The following NOTCH4 variants were observed in gnomAD, a reference collection of about 807,000 sequenced individuals.
NOTCH4 encodes notch receptor 4.
In NOTCH4, 138 loss-of-function variants were observed where a neutral mutation model predicts 189.0. That is an observed-to-expected ratio of 0.73 (90% CI 0.64 to 0.84). NOTCH4 has a LOEUF of 0.84. Ranked by LOEUF, NOTCH4 falls within the 40% of genes least tolerant of loss-of-function variation. NOTCH4 has a pLI of 0.00. For missense variants in NOTCH4, 2,286 were observed against 2,605.4 expected, an observed-to-expected ratio of 0.88 and a Z score of 2.67; for synonymous variants, 942 against 1,032.8, an observed-to-expected ratio of 0.91 and a Z score of 1.69.
rs765636311 is a variant in NOTCH4 at position 32,203,798 on chromosome 6, G to A, written c.3203C>T (p.Pro1068Leu). 1 of 1,558,716 alleles carries A rather than the reference G, an allele frequency of 6.4e-7. No homozygotes were observed. Among genetic ancestry groups the A allele is most frequent in the Non-Finnish European group, 8.7e-7 (1 of 1,150,908 alleles). The change falls in exon 20 of 30, where the codon CCC becomes CTC. Residue 1068 changes from proline to leucine, a missense_variant. Physicochemically the swap from Pro to Leu is moderately conservative, Grantham distance 98. This residue lies in a region of NOTCH4 where 1,903 missense variants were observed against 2,261.9 expected (regional missense o/e 0.84). Transcript: ENST00000375023. ...GGGGCAGTGGCAGATGAAACCCAGG[G>A]GTGATCCTGCTGTGGCCTCACAGGT... ...GGTCEATAGS[P>L]LGFICHCPKG... is the part of the protein sequence containing the mutation.
At chr6:32,213,931 C>T (rs1789201459) in intron 13 of NOTCH4, 91 bp from the exon 14 acceptor site, 1 of 1,513,120 alleles carries the variant, frequency 6.6e-7, no homozygotes, top group Middle Eastern at 2.4e-4. Flanking sequence ...TCCTCATCCC[C>T]AACCCTATTA....
At chr6:32,218,579 T>C (rs979991017) in intron 8 of NOTCH4, among the ~76,000 whole-genome samples, 2 of 152,202 alleles carry the variant, frequency 1.3e-5, no homozygotes, top group Non-Finnish European at 2.9e-5. Context: ...GTCCCGTTGC[T>C]TTGGGTTCAT....
Position 32,223,963 on chromosome 6 carries a change from C to A in NOTCH4, c.-35G>T, listed in dbSNP as rs762058500. 1 of 1,570,718 alleles carries A rather than the reference C, an allele frequency of 6.4e-7. No individual in the cohort carries two copies. The highest frequency in any genetic ancestry group is 1.1e-5 in the South Asian group (1 of 87,412). On this transcript the variant is annotated 5_prime_UTR_variant, in exon 1 of 30. Coordinates refer to ENST00000375023, the MANE Select transcript of NOTCH4 (RefSeq NM_004557.4). ...CCTTCTCCAAGCCCCGGTCCCTGTCCCTCTTCAGGCAGGGACCCTCAGAGC... is the reference window on the plus strand; with the variant it reads ...CCTTCTCCAAGCCCCGGTCCCTGTCACTCTTCAGGCAGGGACCCTCAGAGC...
At position 32,202,538 on chromosome 6, in the gene NOTCH4, T is replaced by A; in HGVS notation, c.3293A>T (p.His1098Leu). The A allele has an allele frequency of 6.2e-7, 1 of 1,608,154 alleles. No homozygotes were observed. Residue 1098 changes from histidine to leucine, a missense_variant, in exon 21 of 30, where the codon CAC (histidine) becomes CTC (leucine). Around this residue, in one of 2 missense-constraint regions of NOTCH4, gnomAD observed 1,903 missense variants for 2,261.9 expected, o/e 0.84. Coordinates refer to ENST00000375023, the MANE Select transcript of NOTCH4 (RefSeq NM_004557.4). This position sits in a 1 kb window ranked among gnomAD's most constrained non-coding sequence, Gnocchi z 5.7. ...AGGGGAGGGCAGACACAGGCCTCCG[T>A]GGTGGCAGTGATGGAAGCCGCAGGA... ...APSCGFHHCHHGGLCLPSPKP... is the reference protein window; with the variant it reads ...APSCGFHHCHLGGLCLPSPKP...
At chr6:32,214,442 T>C (rs943717106) in intron 12 of NOTCH4, among the ~76,000 whole-genome samples, 187 bp from the exon 13 acceptor site, 17 of 147,572 alleles carry the variant, frequency 1.2e-4, no homozygotes, top group African/African-American at 4.1e-4. Flanking sequence ...CAACTAGATA[T>C]ATGCATCTAT....
chr6:32,211,900 A>G (rs971141460), intron 17 of NOTCH4, among the ~76,000 whole-genome samples: 4 of 152,226 alleles, frequency 2.6e-5, no homozygotes, highest in Non-Finnish European at 5.9e-5. Context: ...AGGCTTGAGC[A>G]AGAAATAATT....
At chr6:32,223,120 T>C in intron 1 of NOTCH4, 34 bp from the exon 2 acceptor site, 1 of 1,532,796 alleles carries the variant, frequency 6.5e-7, no homozygotes, top group Non-Finnish European at 9.0e-7. Context: ...ATGGAAGCCC[T>C]GGGTGCTGTG....
chr6:32,211,878 T>G (rs1002427221), intron 17 of NOTCH4, among the ~76,000 whole-genome samples: 1 of 152,178 alleles, frequency 6.6e-6, no homozygotes, highest in African/African-American at 2.4e-5. Context: ...ACTGTTTTCT[T>G]GGCTTAAAGC....
intron 3 of NOTCH4, among the ~76,000 whole-genome samples, chr6:32,222,047 G>T (rs1475250992): frequency 6.6e-6 from 1 of 152,128 alleles, no homozygotes; most frequent in Admixed American, 6.5e-5. Context: ...TCCTGGGGCG[G>T]CCCCCAATCC....
In NOTCH4 at chr6:32,195,931, A is replaced by G; in HGVS notation, c.5518T>C (p.Phe1840Leu). The change falls in exon 30 of 30, where the codon TTC becomes CTC. Residue 1840 changes from phenylalanine to leucine, a missense_variant. Coordinates refer to ENST00000375023, the MANE Select transcript of NOTCH4 (RefSeq NM_004557.4). The surrounding 1 kb of genome is among the most constrained non-coding windows in gnomAD (Gnocchi z 5.4). ...ACTGACACCGTCCGTGCGCGCGGGA[A>G]GGGCCCAGCCTCGCGGCCCGGCGTG... is the stretch of plus-strand genomic sequence containing the variant. ...KATPGREAGP[F>L]PRARTVSVSV... 6.3e-7 allele frequency: 1 copy of G among 1,588,486 alleles called. No individual in the cohort carries two copies. The highest frequency in any genetic ancestry group is 1.3e-5 in the African/African-American group (1 of 74,770).
At position 32,220,457 on chromosome 6, in the gene NOTCH4, G is replaced by C. The variant is rs2127487188; in HGVS notation, c.1107C>G (p.Thr369=). The change falls in exon 6 of 30, where the codon ACC becomes ACG. Residue 369 remains threonine (T), a synonymous_variant. Coordinates refer to ENST00000375023, the MANE Select transcript of NOTCH4 (RefSeq NM_004557.4). ...CIAATCAPGS[T]CIDRVGSFSC... is the part of the protein sequence containing the mutation. The stretch of plus-strand genomic sequence containing the variant: ...AGAAAGAGCCCACCCGGTCAATGCA[G>C]GTGGATCCCGGGGCACAGGTGGCAG... 1 of 1,613,956 alleles carries C rather than the reference G, an allele frequency of 6.2e-7. No individual in the cohort carries two copies.
intron 8 of NOTCH4, 28 bp from the exon 9 acceptor site, chr6:32,218,136 T>C: frequency 7.0e-7 from 1 of 1,430,114 alleles, no homozygotes; most frequent in Non-Finnish European, 9.7e-7. Flanking sequence ...ATGAGGGCTG[T>C]GGCTCAGCCA....
At chr6:32,204,493 C>G (rs1293199766) in intron 18 of NOTCH4, 104 bp from the exon 19 acceptor site, 2 of 1,265,446 alleles carry the variant, frequency 1.6e-6, no homozygotes, top group Non-Finnish European at 2.2e-6. Flanking sequence ...CCTTCCAGCT[C>G]AACAGCATCA....
rs767463720 is a variant in NOTCH4 at position 32,220,650 on chromosome 6, G to A, written c.923-9C>T. ...TTCGGAGCAGTCCCAGCCTGCAGGG[G>A]GTTGGGGAGGGGACGAGGGCTAAGG... On this transcript the variant is annotated splice_polypyrimidine_tract_variant and intron_variant, in intron 5 of 29. Coordinates refer to ENST00000375023, the MANE Select transcript of NOTCH4 (RefSeq NM_004557.4). The A allele has an allele frequency of 5.0e-6, 8 of 1,613,062 alleles. No homozygotes were observed. The highest frequency in any genetic ancestry group is 1.1e-5 in the South Asian group (1 of 91,068).
intron 28 of NOTCH4, 149 bp from the exon 29 acceptor site, chr6:32,196,570 G>T: frequency 9.8e-7 from 1 of 1,023,110 alleles, no homozygotes; most frequent in Non-Finnish European, 1.4e-6. Flanking sequence ...CCACCGGCCT[G>T]CAGGAAGTGT....
rs1003019666 is a variant in NOTCH4, at chr6:32,199,267, G to A, written c.4316-122C>T. The A allele has an allele frequency of 7.0e-6, 5 of 711,180 alleles. No homozygotes were observed. The highest frequency in any genetic ancestry group is 3.7e-5 in the African/African-American group (2 of 54,684). 44.1% of individuals were successfully genotyped at this position (711,180 alleles called of 1,614,324 possible). On this transcript the variant is annotated intron_variant, in intron 23 of 29. Coordinates refer to ENST00000375023, the MANE Select transcript of NOTCH4 (RefSeq NM_004557.4). This position sits in a 1 kb window ranked among gnomAD's most constrained non-coding sequence, Gnocchi z 4.9. ...TCGGTTTCCTTATCTGCAAAATGGG[G>A]ATGATAATATAGATTGAGGTTGGGC...
At chr6:32,218,906 C>T (rs1279885433) in intron 8 of NOTCH4, among the ~76,000 whole-genome samples, 4 of 152,116 alleles carry the variant, frequency 2.6e-5, no homozygotes, top group Non-Finnish European at 5.9e-5. Flanking sequence ...CTCTCTGTGC[C>T]TCAGTTTCTT....
intron 28 of NOTCH4, 111 bp downstream of exon 28, chr6:32,196,814 A>T (rs983574883): frequency 3.1e-5 from 43 of 1,382,244 alleles, no homozygotes; most frequent in Non-Finnish European, 4.1e-5. Flanking sequence ...TGACCGCCGT[A>T]ACAGCAGGAT....
rs1352096977 is a variant in NOTCH4 at position 32,210,750 on chromosome 6, A to G, written c.2865+2T>C. 5 of 1,611,974 alleles carry G rather than the reference A, an allele frequency of 3.1e-6. No homozygotes were observed. The highest frequency in any genetic ancestry group is 3.7e-4 in the Middle Eastern group (2 of 5,386). The stretch of plus-strand genomic sequence containing the variant: ...TCCCCCTTCTCCTGCAGACCCTCTC[A>G]CCTGGCAGAGATACCCACTGGGCTG... On this transcript the variant is annotated splice_donor_variant, in intron 18 of 29. Transcript: ENST00000375023. LOFTEE classifies it high-confidence loss of function. The surrounding 1 kb of genome is among the most constrained non-coding windows in gnomAD (Gnocchi z 4.8).
Sources: allele counts gnomAD v4.1 joint callset (sites outside exome capture counted in the v4.1 genomes callset), GRCh38; gene constraint gnomAD v4.1.1; regional missense constraint gnomAD v4.1.1; non-coding constraint Gnocchi (gnomAD v3.1); transcripts MANE v1.5; gene names NCBI Gene and HGNC (gene_info 2026-07-23, HGNC 2026-07-21).